Variants in EXOC2 observed in about 807,000 individuals in gnomAD.
The protein encoded by EXOC2 is exocyst complex component 2, also known as SEC5-like 1.
EXOC2 carries 70 observed loss-of-function variants against 131.8 expected under a neutral mutation model. The ratio of observed to expected loss-of-function variants is 0.53; its 90% CI spans 0.44 to 0.65. The LOEUF (loss-of-function observed/expected upper bound fraction) is 0.65. Ranked by LOEUF, EXOC2 falls within the 30% of genes least tolerant of loss-of-function variation. EXOC2 has a pLI of 0.00. For synonymous variants in EXOC2, 411 were observed against 398.4 expected, an observed-to-expected ratio of 1.03 and a Z score of -0.38; for missense variants, 923 against 1,108.6, an observed-to-expected ratio of 0.83 and a Z score of 2.38.
intron 7 of EXOC2, among the ~76,000 whole-genome samples, chr6:607,953 C>T (rs1242255008): frequency 6.6e-6 from 1 of 151,996 alleles, no homozygotes; most frequent in Non-Finnish European, 1.5e-5. Flanking sequence ...AGAAACTTAG[C>T]TTAAAAGTCA....
intron 26 of EXOC2, among the ~76,000 whole-genome samples, chr6:489,504 T>G (rs1763297214): frequency 6.6e-6 from 1 of 152,250 alleles, no homozygotes; most frequent in Non-Finnish European, 1.5e-5. Context: ...AATTACAGTC[T>G]ACTTAAAACT....
At chr6:540,607 C>A (rs1314319277) in intron 22 of EXOC2, among the ~76,000 whole-genome samples, 1 of 151,734 alleles carries the variant, frequency 6.6e-6, no homozygotes, top group African/African-American at 2.4e-5. Context: ...AGGAGATTAC[C>A]CCAATCAGTA....
At chr6:554,885 A>G (rs1561850824) in intron 20 of EXOC2, among the ~76,000 whole-genome samples, 1 of 152,210 alleles carries the variant, frequency 6.6e-6, no homozygotes, top group Non-Finnish European at 1.5e-5. Flanking sequence ...CTCTAGCAAG[A>G]GCAATGGTGC....
In EXOC2 at chr6:644,974, T is replaced by C. The variant is rs187584757; in HGVS notation, c.-43-7113A>G. Among the ~76,000 whole-genome samples, 6 of 152,230 alleles carry C rather than the reference T, an allele frequency of 3.9e-5. No homozygotes were observed. The East Asian group carries it at 1.2e-3, about 29-fold the overall frequency. On this transcript the variant is annotated intron_variant, in intron 1 of 27. Transcript: ENST00000230449. ...GATATTGTCAAGGTCATTCTAAAATTCCAGTAGATATTCGAACATCTAGCA... is the reference window on the plus strand; with the variant it reads ...GATATTGTCAAGGTCATTCTAAAATCCCAGTAGATATTCGAACATCTAGCA...
At position 515,101 on chromosome 6, in the gene EXOC2, A is replaced by G. The variant is rs1160224754; in HGVS notation, c.2381-15401T>C. On this transcript the variant is annotated intron_variant, in intron 23 of 27. Coordinates refer to ENST00000230449, the MANE Select transcript of EXOC2 (RefSeq NM_018303.6). ...GGCTTTTATACAGTATCATGCCAGA[A>G]ACAAATTTATAACATTGTTATGGTA... 3.9e-5 allele frequency among the ~76,000 whole-genome samples: 6 copies of G among 152,342 alleles called. No homozygotes were observed. The East Asian group carries it at 1.2e-3, about 29-fold the overall frequency.
chr6:598,482 G>A (rs1433397208), intron 9 of EXOC2, among the ~76,000 whole-genome samples: 1 of 152,190 alleles, frequency 6.6e-6, no homozygotes, highest in Non-Finnish European at 1.5e-5. Flanking sequence ...AAAAGTTGCT[G>A]AGCTTCCTTT....
intron 1 of EXOC2, among the ~76,000 whole-genome samples, chr6:643,289 C>T (rs1762435430): frequency 6.6e-6 from 1 of 152,120 alleles, no homozygotes; most frequent in Non-Finnish European, 1.5e-5. Context: ...TTTTCAGGTG[C>T]TCATGGAATG....
chr6:516,557 GC>G (rs1162701172), intron 23 of EXOC2, among the ~76,000 whole-genome samples: 1 of 152,194 alleles, frequency 6.6e-6, no homozygotes, highest in African/African-American at 2.4e-5. Context: ...GTTTTCCAAT[GC>G]CCCACGAAGT....
Position 488,183 on chromosome 6 carries a change from G to C in EXOC2, c.2681+796C>G, listed in dbSNP as rs557607334. On this transcript the variant is annotated intron_variant, in intron 27 of 27. Transcript: ENST00000230449. ...TGGTCTGCTGCCTGCTCTGTGCGTC[G>C]ATGCCATGTGACAGCTCCCCCCCAT... is the stretch of plus-strand genomic sequence containing the variant. Among the ~76,000 whole-genome samples, 448 of 151,230 alleles carry C rather than the reference G, an allele frequency of 3.0e-3. 4 individuals are homozygous for C. In the South Asian group the frequency reaches 0.031, roughly 10 times the overall value.
At chr6:657,025 G>T in intron 1 of EXOC2, 1 of 1,216,866 alleles carries the variant, frequency 8.2e-7, no homozygotes. Flanking sequence ...GGGGTCCGTG[G>T]CGCTGCCCTC....
At chr6:583,889 G>A (rs1488731436) in intron 11 of EXOC2, among the ~76,000 whole-genome samples, 1 of 152,188 alleles carries the variant, frequency 6.6e-6, no homozygotes, top group Non-Finnish European at 1.5e-5. Context: ...GGGCAAGATG[G>A]AAAGAAACTA....
chr6:531,019 T>G (rs1766044808), intron 23 of EXOC2, among the ~76,000 whole-genome samples: 1 of 152,212 alleles, frequency 6.6e-6, no homozygotes, highest in Admixed American at 6.5e-5. Flanking sequence ...CATTTCACAC[T>G]GGGAACTTGA....
At chr6:587,746 C>T (rs766929722) in intron 11 of EXOC2, among the ~76,000 whole-genome samples, 14 of 152,188 alleles carry the variant, frequency 9.2e-5, no homozygotes, top group Non-Finnish European at 1.8e-4. Context: ...TGAGTATCAG[C>T]TCAAGGGCAA....
intron 21 of EXOC2, among the ~76,000 whole-genome samples, chr6:549,988 C>T (rs1218655820): frequency 6.6e-6 from 1 of 152,254 alleles, no homozygotes; most frequent in Non-Finnish European, 1.5e-5. Flanking sequence ...CTTACGAAAA[C>T]TACCAGACAC....
chr6:522,546 A>T (rs1765527925), intron 23 of EXOC2, among the ~76,000 whole-genome samples: 1 of 151,080 alleles, frequency 6.6e-6, no homozygotes, highest in Non-Finnish European at 1.5e-5. Flanking sequence ...AAGTGTCTCC[A>T]GGCCTCAGCC....
chr6:589,293 G>A (rs541816984), intron 11 of EXOC2, among the ~76,000 whole-genome samples: 37 of 148,498 alleles, frequency 2.5e-4, no homozygotes, highest in Admixed American at 5.4e-4. Context: ...TCTGGAACGC[G>A]TCTCAATGCC....
At chr6:661,092 A>ATTGT (rs1159715328) in intron 1 of EXOC2, among the ~76,000 whole-genome samples, 1 of 152,222 alleles carries the variant, frequency 6.6e-6, no homozygotes. Context: ...CAATCCAACA[A>ATTGT]TGACAAATAA....
Position 577,807 on chromosome 6 carries a change from A to G in EXOC2, c.1193-925T>C, listed in dbSNP as rs559308853. On this transcript the variant is annotated intron_variant, in intron 11 of 27. Coordinates refer to ENST00000230449, the MANE Select transcript of EXOC2 (RefSeq NM_018303.6). ...CCTTATTTGCTATCCTCTCTACTGGAAAGGCCTCACTCAGTTTTTCTTCTT... is the reference window on the plus strand; with the variant it reads ...CCTTATTTGCTATCCTCTCTACTGGGAAGGCCTCACTCAGTTTTTCTTCTT... Among the ~76,000 whole-genome samples, 17 of 152,314 alleles carry G rather than the reference A, an allele frequency of 1.1e-4. No homozygotes were observed. In the South Asian group the frequency reaches 2.1e-3, roughly 19 times the overall value.
At chr6:604,800 G>C (rs1760311313) in intron 7 of EXOC2, among the ~76,000 whole-genome samples, 1 of 151,450 alleles carries the variant, frequency 6.6e-6, no homozygotes. Context: ...TGGCCCCGCG[G>C]GGACACACCT....
Sources: gnomAD v4.1 joint callset for allele counts (sites outside exome capture counted in the v4.1 genomes callset) on GRCh38, gnomAD v4.1.1 for gene constraint, MANE v1.5 for transcripts, NCBI Gene and HGNC (gene_info 2026-07-23, HGNC 2026-07-21) for gene names.